CLDN16: variants seen among roughly 807,000 people sequenced by gnomAD.
CLDN16 encodes claudin 16.
Under a neutral mutation model 24.6 loss-of-function variants are expected in CLDN16, and 13 were observed. The ratio of observed to expected loss-of-function variants is 0.53; its 90% CI spans 0.34 to 0.84. The LOEUF (loss-of-function observed/expected upper bound fraction) is 0.84, where lower values mean the gene tolerates loss of function less well. Among genes scored for constraint, CLDN16 ranks in the 40% least tolerant of loss-of-function variants. CLDN16 has a pLI of 0.01. For missense variants in CLDN16, 298 were observed against 292.7 expected (o/e 1.02, Z -0.13); for synonymous variants, 116 against 106.7 (o/e 1.09, Z -0.54).
the CLDN16 span, among the ~76,000 whole-genome samples, chr3:190,302,033 C>A: frequency 6.6e-6 from 1 of 152,200 alleles, no homozygotes; most frequent in Non-Finnish European, 1.5e-5. Context: ...TTTTAAAATA[C>A]TATCTTCCTA....
At chr3:190,330,018 A>G (rs866917620) in intron 1 of CLDN16, among the ~76,000 whole-genome samples, 33 of 151,916 alleles carry the variant, frequency 2.2e-4, no homozygotes, top group African/African-American at 8.0e-4. Context: ...GAAATATTGT[A>G]GAAGAAATAT....
the CLDN16 span, chr3:190,306,013 C>G: frequency 6.6e-6 from 1 of 152,236 alleles, no homozygotes; most frequent in Non-Finnish European, 1.5e-5. Flanking sequence ...GGAAGGCACA[C>G]TAAAATTTAT....
chr3:190,329,891 T>C (rs1452049487), intron 1 of CLDN16, among the ~76,000 whole-genome samples: 5 of 152,104 alleles, frequency 3.3e-5, no homozygotes, highest in Non-Finnish European at 7.4e-5. Context: ...AGGAATGGAC[T>C]TCAGGACTGA....
intron 1 of CLDN16, among the ~76,000 whole-genome samples, chr3:190,339,176 T>A (rs1431759600): frequency 6.6e-6 from 1 of 152,212 alleles, no homozygotes; most frequent in Non-Finnish European, 1.5e-5. Flanking sequence ...ATCCTTCATC[T>A]TTTCCTGCTC....
intron 1 of CLDN16, among the ~76,000 whole-genome samples, chr3:190,353,995 G>T (rs755320631): frequency 5.9e-5 from 9 of 151,962 alleles, no homozygotes; most frequent in Admixed American, 2.0e-4. Context: ...TTCTCTAGAG[G>T]GTCTAAGGAA....
At chr3:190,299,949 C>T in the CLDN16 span, among the ~76,000 whole-genome samples, 25,189 of 152,020 alleles carry the variant, frequency 0.17, 2,465 homozygotes, top group African/African-American at 0.27. Context: ...ACCATGAGAA[C>T]GGAAGCCATA....
the CLDN16 span, chr3:190,313,068 T>C: frequency 6.2e-7 from 1 of 1,613,542 alleles, no homozygotes; most frequent in Non-Finnish European, 8.5e-7. Context: ...CATGTAAAAA[T>C]ATGCTTGGAC....
chr3:190,348,479 T>G (rs963713833), intron 1 of CLDN16, among the ~76,000 whole-genome samples: 5 of 151,320 alleles, frequency 3.3e-5, no homozygotes, highest in African/African-American at 1.2e-4. Flanking sequence ...CTGTGCAGAG[T>G]GAAGGAAAGC....
intron 1 of CLDN16, among the ~76,000 whole-genome samples, chr3:190,361,325 T>G (rs576270163): frequency 9.9e-5 from 15 of 152,136 alleles, no homozygotes; most frequent in African/African-American, 3.6e-4. Flanking sequence ...GAGGAAATTA[T>G]GACAGTGAAA....
At chr3:190,359,393 A>G (rs955567273) in intron 1 of CLDN16, among the ~76,000 whole-genome samples, 3 of 152,066 alleles carry the variant, frequency 2.0e-5, no homozygotes, top group Non-Finnish European at 4.4e-5. Flanking sequence ...TTCTAGCTCT[A>G]TGTAAGTGTT....
chr3:190,383,029 C>T (rs1015872949), intron 3 of CLDN16, among the ~76,000 whole-genome samples: 1 of 152,050 alleles, frequency 6.6e-6, no homozygotes, highest in Non-Finnish European at 1.5e-5. Flanking sequence ...TCATTTCTGA[C>T]TCAGTTTTTA....
chr3:190,343,339 A>T (rs948197229), intron 1 of CLDN16, among the ~76,000 whole-genome samples: 2 of 152,164 alleles, frequency 1.3e-5, no homozygotes, highest in African/African-American at 4.8e-5. Context: ...AAGAAAGGGA[A>T]GCCTTGTACA....
At chr3:190,308,114 G>T in the CLDN16 span, 1 of 794,852 alleles carries the variant, frequency 1.3e-6, no homozygotes, top group Non-Finnish European at 2.1e-6. Context: ...GCCATGTTTA[G>T]CACTGAGTAT....
chr3:190,297,233 A>G, the CLDN16 span, among the ~76,000 whole-genome samples: 19,994 of 151,694 alleles, frequency 0.13, 1,510 homozygotes, highest in Admixed American at 0.19. Flanking sequence ...TTTTCAGTTT[A>G]TTCTTTTTAG....
At chr3:190,350,187 T>G (rs1286198604) in intron 1 of CLDN16, among the ~76,000 whole-genome samples, 1 of 152,078 alleles carries the variant, frequency 6.6e-6, no homozygotes, top group Non-Finnish European at 1.5e-5. Flanking sequence ...AGTAGAAATA[T>G]TTTCAAATTT....
chr3:190,365,543 C>T (rs1239143037), intron 1 of CLDN16, among the ~76,000 whole-genome samples: 5 of 147,346 alleles, frequency 3.4e-5, no homozygotes, highest in Non-Finnish European at 7.5e-5. Flanking sequence ...TAGTATGAGC[C>T]ATCTTTTTTC....
chr3:190,339,494 T>C, intron 1 of CLDN16, among the ~76,000 whole-genome samples: 1 of 152,180 alleles, frequency 6.6e-6, no homozygotes, highest in East Asian at 1.9e-4. Flanking sequence ...GGAGACAATG[T>C]ATGAGAGGCA....
At chr3:190,290,558 T>A in the CLDN16 span, among the ~76,000 whole-genome samples, 1 of 152,216 alleles carries the variant, frequency 6.6e-6, no homozygotes, top group Non-Finnish European at 1.5e-5. Flanking sequence ...ATTGTCCTCC[T>A]TTCATCAGCT....
chr3:190,302,331 TTTA>T, the CLDN16 span, among the ~76,000 whole-genome samples: 3 of 152,218 alleles, frequency 2.0e-5, no homozygotes, highest in African/African-American at 7.2e-5. Flanking sequence ...GTATATCCAT[TTTA>T]TTATCTGCAT....
Sources: gnomAD v4.1 joint callset for allele counts (sites outside exome capture counted in the v4.1 genomes callset) on GRCh38, gnomAD v4.1.1 for gene constraint, MANE v1.5 for transcripts, NCBI Gene and HGNC (gene_info 2026-07-23, HGNC 2026-07-21) for gene names.